SRGAP3: variants seen among roughly 807,000 people sequenced by gnomAD.
SRGAP3 encodes the protein SLIT-ROBO Rho GTPase activating protein 3, also known as SLIT-ROBO Rho GTPase-activating protein 3.
Under a neutral mutation model 121.1 loss-of-function variants are expected in SRGAP3, and 39 were observed. The ratio of observed to expected loss-of-function variants is 0.32; its 90% CI spans 0.25 to 0.42. The LOEUF (loss-of-function observed/expected upper bound fraction) is 0.42, where lower values mean the gene tolerates loss of function less well. Among genes scored for constraint, SRGAP3 ranks in the 10% least tolerant of loss-of-function variants. The pLI is 1.00. For synonymous variants in SRGAP3, 601 were observed against 570.0 expected, an observed-to-expected ratio of 1.05 and a Z score of -0.77; for missense variants, 1,213 against 1,470.6, an observed-to-expected ratio of 0.82 and a Z score of 2.86.
intron 1 of SRGAP3, among the ~76,000 whole-genome samples, chr3:9,214,908 A>C (rs996540673): frequency 6.6e-6 from 1 of 152,216 alleles, no homozygotes; most frequent in African/African-American, 2.4e-5. Context: ...CAGAAAGTCA[A>C]AGGCACAACA....
intron 4 of SRGAP3, among the ~76,000 whole-genome samples, chr3:9,075,522 A>G (rs953025376): frequency 3.9e-5 from 6 of 152,358 alleles, no homozygotes; most frequent in Admixed American, 6.5e-5. Flanking sequence ...GAATGAATAA[A>G]TGAATGAACA....
chr3:9,323,107 T>C (rs965879289), intron 3 of SRGAP3, among the ~76,000 whole-genome samples: 1 of 151,790 alleles, frequency 6.6e-6, no homozygotes, highest in South Asian at 2.1e-4. Context: ...GTCCAAAATA[T>C]GACATTCTTG....
At position 9,013,358 on chromosome 3, in the gene SRGAP3, C is replaced by A; in HGVS notation, c.2097G>T (p.Glu699Asp). 6.2e-7 allele frequency: 1 copy of A among 1,614,154 alleles called. No homozygotes were observed. ...HHEAIFPSPR[E>D]LEGPVYEKCM... Reference sequence around the variant, plus strand: ...ATTTTTCATACACAGGTCCCTCTAGCTCCCGGGGGCTGGGGAAGATGGCTT... The same window carrying A: ...ATTTTTCATACACAGGTCCCTCTAGATCCCGGGGGCTGGGGAAGATGGCTT... The change falls in exon 17 of 22, where the codon GAG (glutamate) becomes GAT (aspartate). Residue 699 changes from glutamate (E) to aspartate (D), a missense_variant. By Grantham distance (45) the Glu-to-Asp change is conservative. This residue lies in a region of SRGAP3 where 793 missense variants were observed against 1,032.9 expected (regional missense o/e 0.77). Transcript: ENST00000383836.
rs192410350 is a variant in SRGAP3 at position 9,208,367 on chromosome 3, C to T, written c.67+40518G>A. Among the ~76,000 whole-genome samples the T allele has an allele frequency of 1.4e-4, 21 of 152,310 alleles. No homozygotes were observed. In the East Asian group the frequency reaches 4.1e-3, roughly 29 times the overall value. ...AGCCTGAAACCCCTCTCTTCTCCCACTGCCCCAGTTGTCTCTCCACCAGAC... is the reference window on the plus strand; with the variant it reads ...AGCCTGAAACCCCTCTCTTCTCCCATTGCCCCAGTTGTCTCTCCACCAGAC... On this transcript the variant is annotated intron_variant, in intron 1 of 21. Transcript: ENST00000383836.
At chr3:9,362,560 A>G (rs1231936258) in intron 1 of SRGAP3, among the ~76,000 whole-genome samples, 2 of 152,040 alleles carry the variant, frequency 1.3e-5, no homozygotes, top group Non-Finnish European at 2.9e-5. Context: ...CAGAAGAATC[A>G]CTTGAACCCA....
intron 3 of SRGAP3, among the ~76,000 whole-genome samples, chr3:9,101,413 G>T (rs1307579220): frequency 6.6e-6 from 1 of 152,214 alleles, no homozygotes; most frequent in African/African-American, 2.4e-5. Context: ...GCCCTGCAGC[G>T]CCCCAGCCAC....
intron 1 of SRGAP3, among the ~76,000 whole-genome samples, chr3:9,342,446 T>C (rs2596929): frequency 0.81 from 123,662 of 152,210 alleles, 50,878 homozygotes; most frequent in East Asian, 0.93. Flanking sequence ...GTACTCTACA[T>C]ACATGGCTGC....
intron 3 of SRGAP3, among the ~76,000 whole-genome samples, chr3:9,271,905 A>G (rs1276167268): frequency 6.6e-6 from 1 of 152,250 alleles, no homozygotes; most frequent in Admixed American, 6.5e-5. Context: ...GATAATGTGC[A>G]TGGAAGGTCT....
chr3:9,163,594 A>G (rs1189477958), intron 1 of SRGAP3, among the ~76,000 whole-genome samples: 1 of 152,300 alleles, frequency 6.6e-6, no homozygotes, highest in East Asian at 1.9e-4. Context: ...CAGAGGGGGC[A>G]GGGGAGGTGG....
At chr3:9,288,135 T>TTG (rs1954808942) in intron 3 of SRGAP3, among the ~76,000 whole-genome samples, 2 of 150,480 alleles carry the variant, frequency 1.3e-5, no homozygotes, top group African/African-American at 2.4e-5. Context: ...TCTTTGTTTT[T>TTG]TTTTTTTTTT....
intron 3 of SRGAP3, among the ~76,000 whole-genome samples, chr3:9,297,765 G>A (rs1192722627): frequency 5.9e-5 from 9 of 152,058 alleles, no homozygotes; most frequent in South Asian, 4.2e-4. Flanking sequence ...GCATTGTGGC[G>A]TGTGCCTGTA....
intron 1 of SRGAP3, among the ~76,000 whole-genome samples, chr3:9,348,030 C>T (rs2125293229): frequency 6.6e-6 from 1 of 152,348 alleles, no homozygotes; most frequent in Middle Eastern, 3.4e-3. Flanking sequence ...TACTGCCAGG[C>T]ATTTGTTAGG....
intron 9 of SRGAP3, among the ~76,000 whole-genome samples, chr3:9,051,024 T>C (rs928022899): frequency 1.5e-4 from 17 of 113,786 alleles, no homozygotes; most frequent in African/African-American, 5.1e-4. Context: ...TTGCTTTTTT[T>C]TTTTTTTTTT....
At chr3:9,081,419 C>T in intron 3 of SRGAP3, 2 of 371,028 alleles carry the variant, frequency 5.4e-6, no homozygotes, top group Non-Finnish European at 1.0e-5. Context: ...GAATCACTTC[C>T]CCCTTTGAGC....
Position 9,124,962 on chromosome 3 carries a change from G to A in SRGAP3, c.68-45C>T, listed in dbSNP as rs756682534. On this transcript the variant is annotated intron_variant, in intron 1 of 21. Coordinates refer to ENST00000383836, the MANE Select transcript of SRGAP3 (RefSeq NM_014850.4). ...GGAGCATGAGACTGGTGGTGGGGAC[G>A]GGGGCACTGGGGCCCGCTCTGCTGC... 28 of 1,609,026 alleles carry A rather than the reference G, an allele frequency of 1.7e-5. No individual in the cohort carries two copies. The East Asian group carries it at 2.0e-4, about 12-fold the overall frequency.
At chr3:9,081,022 G>A (rs1947219926) in intron 3 of SRGAP3, among the ~76,000 whole-genome samples, 1 of 152,158 alleles carries the variant, frequency 6.6e-6, no homozygotes, top group Non-Finnish European at 1.5e-5. Context: ...TGGAAAAATT[G>A]TCTTCCACAA....
rs529422441 is a variant in SRGAP3 at position 9,109,952 on chromosome 3, G to A, written c.261-5110C>T. The stretch of plus-strand genomic sequence containing the variant: ...GGTGAACATGGAGACTGAGGCAGGG[G>A]CCACTTGGGAAAGGGCCTTTAACTC... On this transcript the variant is annotated intron_variant, in intron 2 of 21. Coordinates refer to ENST00000383836, the MANE Select transcript of SRGAP3 (RefSeq NM_014850.4). This position sits in a 1 kb window ranked among gnomAD's most constrained non-coding sequence, Gnocchi z 4.4. Among the ~76,000 whole-genome samples, 2 of 152,250 alleles carry A rather than the reference G, an allele frequency of 1.3e-5. No individual in the cohort carries two copies. Among genetic ancestry groups the A allele is most frequent in the African/African-American group, 4.8e-5 (2 of 41,538 alleles).
intron 21 of SRGAP3, among the ~76,000 whole-genome samples, 162 bp downstream of exon 21, chr3:8,990,347 CCCA>C: frequency 6.6e-6 from 1 of 152,344 alleles, no homozygotes; most frequent in African/African-American, 2.4e-5. Flanking sequence ...AGTCTCCACT[CCCA>C]CGGGAAGCCC....
At chr3:9,264,941 G>C (rs1240830743) in intron 3 of SRGAP3, among the ~76,000 whole-genome samples, 2 of 152,162 alleles carry the variant, frequency 1.3e-5, no homozygotes, top group African/African-American at 4.8e-5. Context: ...AAAGAACAAA[G>C]CTGGAGGCAT....
Sources: gnomAD v4.1 joint callset for allele counts (sites outside exome capture counted in the v4.1 genomes callset) on GRCh38, gnomAD v4.1.1 for gene constraint, gnomAD v4.1.1 regional missense constraint, Gnocchi (gnomAD v3.1) non-coding constraint, MANE v1.5 for transcripts, NCBI Gene and HGNC (gene_info 2026-07-23, HGNC 2026-07-21) for gene names.